The following THSD7B variants were observed in gnomAD, a reference collection of about 807,000 sequenced individuals.
THSD7B encodes the protein thrombospondin type 1 domain containing 7B.
Under a neutral mutation model 213.6 loss-of-function variants are expected in THSD7B, and 138 were observed. The ratio of observed to expected loss-of-function variants is 0.65; its 90% confidence interval spans 0.56 to 0.74. The LOEUF (loss-of-function observed/expected upper bound fraction) is 0.74, where lower values mean the gene tolerates loss of function less well. Among genes scored for constraint, THSD7B ranks in the 30% least tolerant of loss-of-function variants. The probability of loss-of-function intolerance (pLI) is 0.00; values close to 1 mark genes in which losing one functional copy is unlikely to be tolerated. For synonymous variants in THSD7B, 742 were observed against 687.0 expected, an observed-to-expected ratio of 1.08 and a Z score of -1.25; for missense variants, 1,931 against 1,991.5, an observed-to-expected ratio of 0.97 and a Z score of 0.58.
intron 2 of THSD7B, among the ~76,000 whole-genome samples, chr2:136,884,781 A>G (rs536747769): frequency 6.6e-6 from 1 of 152,194 alleles, no homozygotes; most frequent in South Asian, 2.1e-4. Context: ...TAGCATTTTT[A>G]TTTAATAAAT....
At chr2:137,199,756 G>T (rs1358450605) in intron 7 of THSD7B, among the ~76,000 whole-genome samples, 1 of 152,146 alleles carries the variant, frequency 6.6e-6, no homozygotes, top group Non-Finnish European at 1.5e-5. Flanking sequence ...AAAAGTTATT[G>T]TGTATGTTCT....
intron 21 of THSD7B, among the ~76,000 whole-genome samples, chr2:137,648,904 C>T (rs890204457): frequency 1.3e-5 from 2 of 152,156 alleles, no homozygotes; most frequent in African/African-American, 4.8e-5. Flanking sequence ...AAGGGTTCCC[C>T]TTTGTCCACA....
At chr2:137,292,386 A>G (rs1267612451) in intron 12 of THSD7B, among the ~76,000 whole-genome samples, 1 of 152,184 alleles carries the variant, frequency 6.6e-6, no homozygotes, top group African/African-American at 2.4e-5. Context: ...GACAGTTGCA[A>G]AACTGCAAAC....
chr2:136,957,021 C>G (rs1313428201), intron 2 of THSD7B, among the ~76,000 whole-genome samples: 1 of 152,072 alleles, frequency 6.6e-6, no homozygotes, highest in African/African-American at 2.4e-5. Context: ...CGTTTGAGAT[C>G]TGGCCCACCC....
chr2:137,391,769 C>T (rs1392525878), intron 12 of THSD7B, among the ~76,000 whole-genome samples: 1 of 149,320 alleles, frequency 6.7e-6, no homozygotes, highest in Non-Finnish European at 1.5e-5. Context: ...CTTTTTATTT[C>T]TTTTCTTCTG....
At chr2:137,355,306 A>T (rs1685102761) in intron 12 of THSD7B, among the ~76,000 whole-genome samples, 1 of 152,198 alleles carries the variant, frequency 6.6e-6, no homozygotes. Flanking sequence ...CCAGAAAAGT[A>T]AAATGGCCCA....
chr2:137,136,390 A>G (rs909970719), intron 5 of THSD7B, among the ~76,000 whole-genome samples: 2 of 152,216 alleles, frequency 1.3e-5, no homozygotes, highest in East Asian at 3.8e-4. Context: ...TATAAAATGA[A>G]GGTGTTCCAG....
At chr2:136,951,973 G>A (rs896474767) in intron 2 of THSD7B, among the ~76,000 whole-genome samples, 3 of 152,092 alleles carry the variant, frequency 2.0e-5, no homozygotes, top group South Asian at 2.1e-4. Flanking sequence ...GGGTTCAAGC[G>A]ATTCTTCTGC....
rs181788191 is a variant in THSD7B, at chr2:137,670,659, T to C, written c.4739+2798T>C. On this transcript the variant is annotated intron_variant, in intron 27 of 27. Coordinates refer to ENST00000409968, the MANE Select transcript of THSD7B (RefSeq NM_001316349.2). The stretch of plus-strand genomic sequence containing the variant: ...ATCTTCGGCCAGGTGCGGTGGCTCA[T>C]GCCTGTAATCCCAGCACTTTGGGAG... Among the ~76,000 whole-genome samples the C allele has an allele frequency of 5.4e-3, 818 of 152,196 alleles. 4 individuals are homozygous for C. Among genetic ancestry groups the C allele is most frequent in the African/African-American group, 0.018 (732 of 41,544 alleles).
intron 7 of THSD7B, among the ~76,000 whole-genome samples, chr2:137,201,104 G>T (rs1057482554): frequency 6.6e-5 from 10 of 152,218 alleles, no homozygotes; most frequent in Middle Eastern, 3.4e-3. Flanking sequence ...TATATGTGTG[G>T]TTCATTCTTT....
intron 2 of THSD7B, among the ~76,000 whole-genome samples, chr2:136,926,673 G>A (rs1182156562): frequency 6.7e-6 from 1 of 148,374 alleles, no homozygotes; most frequent in Admixed American, 6.8e-5. Flanking sequence ...CAGCCTGGAT[G>A]ACAGAACGAG....
intron 2 of THSD7B, among the ~76,000 whole-genome samples, chr2:136,902,159 A>C (rs960563959): frequency 9.2e-5 from 11 of 119,650 alleles, no homozygotes; most frequent in African/African-American, 2.9e-4. Flanking sequence ...GAAATTCTAG[A>C]ATCATTAAAG....
rs143442860 is a variant in THSD7B, at chr2:137,491,198, A to G, written c.3138+40175A>G. Among the ~76,000 whole-genome samples, 735 of 152,318 alleles carry G rather than the reference A, an allele frequency of 4.8e-3. 5 individuals are homozygous for G. Among genetic ancestry groups the G allele is most frequent in the African/African-American group, 0.017 (698 of 41,570 alleles). Reference sequence around the variant, plus strand: ...TTTTCAGTTAACTCTTGAAGGAAACACGTCTCCCTAACATACACACAGCTG... The same window carrying G: ...TTTTCAGTTAACTCTTGAAGGAAACGCGTCTCCCTAACATACACACAGCTG... On this transcript the variant is annotated intron_variant, in intron 15 of 27. Transcript: ENST00000409968.
At chr2:137,545,580 G>A (rs574242741) in intron 15 of THSD7B, among the ~76,000 whole-genome samples, 10 of 152,002 alleles carry the variant, frequency 6.6e-5, no homozygotes, top group Non-Finnish European at 1.2e-4. Flanking sequence ...AGTACTTGAT[G>A]CTGCCCATCT....
At chr2:136,855,475 G>C (rs551640423) in intron 1 of THSD7B, among the ~76,000 whole-genome samples, 6 of 152,052 alleles carry the variant, frequency 3.9e-5, no homozygotes, top group African/African-American at 1.4e-4. Flanking sequence ...GCCCAGACTA[G>C]AGCACAGTGG....
chr2:136,913,715 A>G (rs755890486), intron 2 of THSD7B, among the ~76,000 whole-genome samples: 2 of 152,250 alleles, frequency 1.3e-5, no homozygotes, highest in African/African-American at 2.4e-5. Context: ...ATGTGGTATC[A>G]AGCCTGTGGG....
intron 1 of THSD7B, among the ~76,000 whole-genome samples, chr2:136,875,986 A>G (rs1199848212): frequency 1.3e-5 from 2 of 152,192 alleles, no homozygotes; most frequent in Non-Finnish European, 2.9e-5. Flanking sequence ...TAGAGAAGAT[A>G]TGCTTTTGGC....
intron 9 of THSD7B, among the ~76,000 whole-genome samples, chr2:137,235,327 T>C (rs1402832124): frequency 1.3e-5 from 2 of 152,216 alleles, no homozygotes; most frequent in Non-Finnish European, 2.9e-5. Context: ...TTATTCTTTA[T>C]AGTGATGAAA....
chr2:137,481,100 A>G (rs2105105502), intron 15 of THSD7B, among the ~76,000 whole-genome samples: 1 of 152,340 alleles, frequency 6.6e-6, no homozygotes, highest in South Asian at 2.1e-4. Context: ...AACGACCTTT[A>G]TCAGACACCA....
Sources: allele counts gnomAD v4.1 joint callset (sites outside exome capture counted in the v4.1 genomes callset), GRCh38; gene constraint gnomAD v4.1.1; transcripts MANE v1.5; gene names NCBI Gene and HGNC (gene_info 2026-07-23, HGNC 2026-07-21).